GRM8: variants seen among roughly 807,000 people sequenced by gnomAD.
GRM8 encodes the protein glutamate metabotropic receptor 8.
Under a neutral mutation model 87.2 loss-of-function variants are expected in GRM8, and 47 were observed. That is an observed-to-expected ratio of 0.54 (90% confidence interval 0.43 to 0.69). The LOEUF is 0.69. GRM8 is among the 30% of genes least tolerant of loss of function. GRM8 has a pLI of 0.00. For missense variants in GRM8, 1,019 were observed against 1,139.2 expected, an observed-to-expected ratio of 0.89 and a Z score of 1.52; for synonymous variants, 396 against 404.5, an observed-to-expected ratio of 0.98 and a Z score of 0.25.
At chr7:127,079,700 G>A (rs1158340319) in intron 3 of GRM8, among the ~76,000 whole-genome samples, 1 of 152,064 alleles carries the variant, frequency 6.6e-6, no homozygotes, top group Non-Finnish European at 1.5e-5. Flanking sequence ...TCTTCCTCAG[G>A]GACTACTGGT....
At chr7:126,728,065 G>A (rs1010546978) in intron 7 of GRM8, among the ~76,000 whole-genome samples, 3 of 152,100 alleles carry the variant, frequency 2.0e-5, no homozygotes, top group African/African-American at 7.2e-5. Flanking sequence ...AGAAATGCCA[G>A]GAAGAAAATT....
chr7:127,071,359 T>C (rs898380874), intron 3 of GRM8, among the ~76,000 whole-genome samples: 2 of 152,228 alleles, frequency 1.3e-5, no homozygotes, highest in Non-Finnish European at 2.9e-5. Flanking sequence ...GCAGGATCCC[T>C]TAATGAACTT....
At chr7:127,231,649 G>GA (rs1451565327) in intron 2 of GRM8, among the ~76,000 whole-genome samples, 2 of 151,532 alleles carry the variant, frequency 1.3e-5, no homozygotes, top group Non-Finnish European at 2.9e-5. Context: ...ATCTCTGGCA[G>GA]AAAAAAAAAT....
rs569482047 is a variant in GRM8, at chr7:126,825,629, G to C, written c.1157-55564C>G. On this transcript the variant is annotated intron_variant, in intron 6 of 10. Transcript: ENST00000339582. ...AGTGTTAAAGGACTGGGTAAAATAA[G>C]ATAACCTACCAAGAAAAAAAGTTGT... 1.6e-3 allele frequency among the ~76,000 whole-genome samples: 239 copies of C among 152,040 alleles called. 3 individuals carry two copies. Among genetic ancestry groups the C allele is most frequent in the Non-Finnish European group, 2.1e-3 (142 of 67,960 alleles).
intron 8 of GRM8, among the ~76,000 whole-genome samples, chr7:126,600,167 T>C (rs1374641631): frequency 1.3e-5 from 2 of 152,210 alleles, no homozygotes; most frequent in Non-Finnish European, 2.9e-5. Context: ...TCTGTACCTG[T>C]ATAATTATGC....
intron 8 of GRM8, among the ~76,000 whole-genome samples, chr7:126,592,917 A>G (rs1334226453): frequency 6.6e-6 from 1 of 151,976 alleles, no homozygotes; most frequent in Non-Finnish European, 1.5e-5. Context: ...AAACTACTAG[A>G]ACTAATATCC....
intron 9 of GRM8, chr7:126,512,992 T>A (rs563762439): frequency 1.3e-5 from 2 of 152,158 alleles, no homozygotes; most frequent in East Asian, 3.9e-4. Flanking sequence ...AAGCTACAAA[T>A]GGCAGAGCCA....
chr7:127,066,114 A>C (rs1442616944), intron 3 of GRM8, among the ~76,000 whole-genome samples: 1 of 152,202 alleles, frequency 6.6e-6, no homozygotes, highest in Admixed American at 6.5e-5. Flanking sequence ...TAATGGTAGC[A>C]AAGTCATCAC....
chr7:126,992,521 A>T (rs905223939), intron 3 of GRM8, among the ~76,000 whole-genome samples: 8 of 152,222 alleles, frequency 5.3e-5, no homozygotes, highest in African/African-American at 1.9e-4. Context: ...AAAATCATGT[A>T]AAACTAAGGA....
At chr7:126,611,973 A>T (rs984986167) in intron 7 of GRM8, among the ~76,000 whole-genome samples, 6 of 152,188 alleles carry the variant, frequency 3.9e-5, no homozygotes, top group African/African-American at 1.4e-4. Context: ...TAAAGCAGTT[A>T]TAAGTGTGGG....
At chr7:126,481,004 A>G (rs1413651867) in intron 9 of GRM8, among the ~76,000 whole-genome samples, 1 of 152,138 alleles carries the variant, frequency 6.6e-6, no homozygotes, top group South Asian at 2.1e-4. Context: ...GGGGCATGCC[A>G]AAGGTAAACA....
At chr7:126,474,185 A>G (rs1327252590) in intron 9 of GRM8, among the ~76,000 whole-genome samples, 1 of 152,146 alleles carries the variant, frequency 6.6e-6, no homozygotes, top group Non-Finnish European at 1.5e-5. Context: ...TTCCAACTAA[A>G]AAGTATTTGC....
intron 3 of GRM8, among the ~76,000 whole-genome samples, chr7:127,087,099 T>C (rs1823587554): frequency 2.0e-5 from 3 of 152,172 alleles, no homozygotes; most frequent in Admixed American, 2.0e-4. Flanking sequence ...GGTGCTTCCT[T>C]AACTGTGACA....
intron 3 of GRM8, among the ~76,000 whole-genome samples, chr7:126,938,605 G>T (rs1325952977): frequency 6.6e-6 from 1 of 152,048 alleles, no homozygotes; most frequent in African/African-American, 2.4e-5. Flanking sequence ...CCTCACCAAA[G>T]CATAGCTAAG....
chr7:126,820,558 A>T (rs967471883), intron 6 of GRM8, among the ~76,000 whole-genome samples: 2 of 152,182 alleles, frequency 1.3e-5, no homozygotes, highest in African/African-American at 2.4e-5. Flanking sequence ...GATAAATTCA[A>T]CAGTCCACGT....
chr7:126,749,654 T>C (rs560140784), intron 7 of GRM8, among the ~76,000 whole-genome samples: 1 of 151,822 alleles, frequency 6.6e-6, no homozygotes, highest in East Asian at 1.9e-4. Flanking sequence ...AATAATTCAG[T>C]TTTTAAAAAT....
chr7:127,138,068 A>C (rs1828040226), intron 2 of GRM8, among the ~76,000 whole-genome samples: 1 of 152,108 alleles, frequency 6.6e-6, no homozygotes, highest in Admixed American at 6.5e-5. Flanking sequence ...CTCCAATCCC[A>C]ATCAAAAGTA....
chr7:127,163,056 C>A (rs1031589453), intron 2 of GRM8, among the ~76,000 whole-genome samples: 2 of 152,074 alleles, frequency 1.3e-5, no homozygotes, highest in Admixed American at 1.3e-4. Flanking sequence ...AAGATATCTT[C>A]AGAAGAAGGT....
intron 6 of GRM8, among the ~76,000 whole-genome samples, chr7:126,842,303 T>C (rs914956760): frequency 6.6e-6 from 1 of 152,274 alleles, no homozygotes; most frequent in Admixed American, 6.5e-5. Flanking sequence ...AGATGAGTCT[T>C]TATAGTTTCT....
Sources: allele counts gnomAD v4.1 joint callset (sites outside exome capture counted in the v4.1 genomes callset), GRCh38; gene constraint gnomAD v4.1.1; transcripts MANE v1.5; gene names NCBI Gene and HGNC (gene_info 2026-07-23, HGNC 2026-07-21).